The following DHX35 variants were observed in gnomAD, a reference collection of about 807,000 sequenced individuals.
DHX35 encodes probable ATP-dependent RNA helicase DHX35.
DHX35 carries 84 observed loss-of-function variants against 99.6 expected under a neutral mutation model. That is an observed-to-expected ratio of 0.84 (90% CI 0.71 to 1.01). The LOEUF is 1.01. Among genes scored for constraint, DHX35 ranks in the 50% least tolerant of loss-of-function variants. The pLI, the probability that DHX35 is intolerant of heterozygous loss-of-function variation, is 0.00. For synonymous variants in DHX35, 331 were observed against 316.2 expected (o/e 1.05, Z -0.50); for missense variants, 852 against 888.5 (o/e 0.96, Z 0.52).
At chr20:39,036,851 A>G (rs925248079) in intron 21 of DHX35, among the ~76,000 whole-genome samples, 1 of 151,864 alleles carries the variant, frequency 6.6e-6, no homozygotes, top group African/African-American at 2.4e-5. Flanking sequence ...GGGCACTTCT[A>G]CTATTAACTT....
chr20:38,972,643 A>G lies in DHX35; in HGVS notation c.259A>G (p.Ile87Val). 1 of 1,610,160 alleles carries G rather than the reference A, an allele frequency of 6.2e-7. No individual in the cohort carries two copies. Residue 87 changes from isoleucine to valine, a missense_variant, in exon 3 of 22, where the codon ATT (isoleucine) becomes GTT (valine). Physicochemically the swap from Ile to Val is conservative, Grantham distance 29. Transcript: ENST00000252011. ...GETGCGKSTQ[I>V]PQYLAEAGWT... The stretch of plus-strand genomic sequence containing the variant: ...AACAGGATGTGGGAAGAGCACACAG[A>G]TTCCTCAGGTGAGTACATATTTAAT...
chr20:39,005,189 A>G (rs1253732860), intron 11 of DHX35, among the ~76,000 whole-genome samples: 1 of 152,180 alleles, frequency 6.6e-6, no homozygotes, highest in Non-Finnish European at 1.5e-5. Flanking sequence ...TGCCTGAAAA[A>G]AGTTCTAACT....
intron 21 of DHX35, among the ~76,000 whole-genome samples, chr20:39,037,300 T>G (rs762953979): frequency 1.5e-4 from 23 of 152,330 alleles, no homozygotes; most frequent in Admixed American, 3.9e-4. Context: ...GAGATTTGCC[T>G]TCTGGCTTTT....
At chr20:38,978,498 C>T in intron 3 of DHX35, 1 of 475,766 alleles carries the variant, frequency 2.1e-6, no homozygotes. Flanking sequence ...AACAGCTGTG[C>T]AGGGCGGAAT....
At chr20:39,024,174 T>TAGAA (rs2086915703) in intron 17 of DHX35, among the ~76,000 whole-genome samples, 1 of 152,256 alleles carries the variant, frequency 6.6e-6, no homozygotes, top group Non-Finnish European at 1.5e-5. Flanking sequence ...CTGTCCCAGC[T>TAGAA]GCCATGAGAA....
At chr20:38,977,432 T>G (rs960049196) in intron 3 of DHX35, among the ~76,000 whole-genome samples, 3 of 152,200 alleles carry the variant, frequency 2.0e-5, no homozygotes, top group East Asian at 1.9e-4. Flanking sequence ...TTGCCCATCT[T>G]TTTTTTAACT....
intron 18 of DHX35, 25 bp from the exon 19 acceptor site, chr20:39,028,393 G>A (rs375322078): frequency 1.2e-5 from 20 of 1,613,250 alleles, no homozygotes; most frequent in Middle Eastern, 1.7e-4. Context: ...GGTTTCACCC[G>A]CCTCTCTGTT....
chr20:39,013,795 C>T (rs2086740515), intron 13 of DHX35, among the ~76,000 whole-genome samples: 1 of 152,214 alleles, frequency 6.6e-6, no homozygotes, highest in African/African-American at 2.4e-5. Flanking sequence ...GCTAGTGGAT[C>T]ATTTACATGA....
In DHX35 at chr20:38,988,098, G is replaced by C. The variant is rs73110668; in HGVS notation, c.346-715G>C. ...TTTGTTTAGGAACAGGGTGAATCTT[G>C]TCATTTCTTTTACTTTCCTTTTTGC... On this transcript the variant is annotated intron_variant, in intron 4 of 21. Coordinates refer to ENST00000252011, the MANE Select transcript of DHX35 (RefSeq NM_021931.4). Among the ~76,000 whole-genome samples the C allele has an allele frequency of 4.2e-3, 633 of 152,238 alleles. 4 individuals are homozygous for C. Among genetic ancestry groups the C allele is most frequent in the Non-Finnish European group, 6.7e-3 (458 of 68,012 alleles).
intron 13 of DHX35, 45 bp from the exon 14 acceptor site, chr20:39,014,835 T>C (rs1158892563): frequency 2.5e-6 from 4 of 1,610,584 alleles, no homozygotes; most frequent in Non-Finnish European, 2.5e-6. Flanking sequence ...TTAATGTTTG[T>C]TGCCCAAATA....
intron 3 of DHX35, 98 bp from the exon 4 acceptor site, chr20:38,983,601 C>T (rs187615434): frequency 1.2e-5 from 11 of 939,698 alleles, no homozygotes; most frequent in African/African-American, 4.9e-5. Flanking sequence ...GTACTTTTTC[C>T]TTTCTTAGTG....
intron 21 of DHX35, 105 bp from the exon 22 acceptor site, chr20:39,038,394 G>A: frequency 1.6e-6 from 2 of 1,253,048 alleles, no homozygotes; most frequent in South Asian, 1.3e-5. Flanking sequence ...GGGAAGGTGT[G>A]GACCAGATGG....
At chr20:38,984,353 A>G (rs1013181582) in intron 4 of DHX35, among the ~76,000 whole-genome samples, 1 of 152,246 alleles carries the variant, frequency 6.6e-6, no homozygotes, top group African/African-American at 2.4e-5. Flanking sequence ...TCCAACATAA[A>G]CAATGTGAAC....
chr20:38,966,373 C>G (rs2085910944), intron 1 of DHX35, among the ~76,000 whole-genome samples: 1 of 152,096 alleles, frequency 6.6e-6, no homozygotes, highest in South Asian at 2.1e-4. Context: ...CATAGCTGTT[C>G]TTATAAAAGA....
chr20:39,029,083 C>CTGTA (rs2087003163), intron 19 of DHX35: 1 of 152,652 alleles, frequency 6.6e-6, no homozygotes, highest in Admixed American at 6.5e-5. Context: ...CTTAGGCATA[C>CTGTA]TGTAGCCTGT....
chr20:39,032,940 C>G (rs768226077), intron 20 of DHX35, among the ~76,000 whole-genome samples: 4 of 152,176 alleles, frequency 2.6e-5, no homozygotes, highest in African/African-American at 9.7e-5. Context: ...GGTCAGGATA[C>G]GCACACTCGT....
intron 18 of DHX35, among the ~76,000 whole-genome samples, chr20:39,027,305 G>A (rs183200038): frequency 6.6e-6 from 1 of 152,068 alleles, no homozygotes; most frequent in African/African-American, 2.4e-5. Flanking sequence ...AACATCTAAG[G>A]GTTAAAAAAT....
At chr20:38,971,354 A>AAAAAC (rs1346812984) in intron 2 of DHX35, among the ~76,000 whole-genome samples, 16 of 152,206 alleles carry the variant, frequency 1.1e-4, no homozygotes, top group African/African-American at 3.4e-4. Flanking sequence ...CTCCATCTCA[A>AAAAAC]AAAACAAAAC....
intron 21 of DHX35, among the ~76,000 whole-genome samples, chr20:39,037,673 A>AG (rs1019452533): frequency 3.9e-4 from 59 of 152,284 alleles, no homozygotes; most frequent in African/African-American, 1.4e-3. Context: ...GGCACGGCTT[A>AG]GGGATCTCTT....
Sources: allele counts gnomAD v4.1 joint callset (sites outside exome capture counted in the v4.1 genomes callset), GRCh38; gene constraint gnomAD v4.1.1; transcripts MANE v1.5; gene names NCBI Gene and HGNC (gene_info 2026-07-23, HGNC 2026-07-21).